The following EBF1 variants were observed in gnomAD, a reference collection of about 807,000 sequenced individuals.
The protein encoded by EBF1 is EBF transcription factor 1, also known as transcription factor COE1.
In EBF1, 10 loss-of-function variants were observed where a neutral mutation model predicts 68.4. That is an observed-to-expected ratio of 0.15 (90% CI 0.09 to 0.25). The LOEUF (loss-of-function observed/expected upper bound fraction) is 0.25, where lower values mean the gene tolerates loss of function less well. Among genes scored for constraint, EBF1 ranks in the 10% least tolerant of loss-of-function variants. The pLI, the probability that EBF1 is intolerant of heterozygous loss-of-function variation, is 1.00. For missense variants in EBF1, 509 were observed against 794.4 expected (o/e 0.64, Z 4.32); for synonymous variants, 298 against 299.8 (o/e 0.99, Z 0.06).
chr5:158,917,147 C>G (rs1435122761), intron 6 of EBF1, among the ~76,000 whole-genome samples: 2 of 152,142 alleles, frequency 1.3e-5, no homozygotes, highest in Non-Finnish European at 2.9e-5. Context: ...AAGAAACAAA[C>G]AAGAAACCAA....
At chr5:158,933,614 G>T (rs1315305822) in intron 6 of EBF1, among the ~76,000 whole-genome samples, 1 of 152,200 alleles carries the variant, frequency 6.6e-6, no homozygotes. Context: ...AGAACAGAGA[G>T]ACCAGGACTT....
intron 1 of EBF1, among the ~76,000 whole-genome samples, chr5:159,097,893 C>A (rs911472461): frequency 2.0e-5 from 3 of 152,238 alleles, no homozygotes; most frequent in Admixed American, 2.0e-4. Flanking sequence ...GCCAGGCGGC[C>A]ACTGACAGCC....
At chr5:159,027,886 A>T (rs930632582) in intron 6 of EBF1, among the ~76,000 whole-genome samples, 1 of 152,174 alleles carries the variant, frequency 6.6e-6, no homozygotes, top group Non-Finnish European at 1.5e-5. Context: ...CAAGTTTGTC[A>T]CACCCAGGGT....
intron 8 of EBF1, among the ~76,000 whole-genome samples, chr5:158,821,373 C>T (rs1321798165): frequency 6.6e-6 from 1 of 152,132 alleles, no homozygotes; most frequent in Admixed American, 6.5e-5. Context: ...AGGCTATATT[C>T]TATGTTTGCT....
chr5:158,708,364 A>G (rs1011436985), intron 14 of EBF1, among the ~76,000 whole-genome samples, 191 bp from the exon 15 acceptor site: 14 of 152,128 alleles, frequency 9.2e-5, no homozygotes, highest in Admixed American at 8.5e-4. Context: ...GCTACCTTTC[A>G]TTACTGGAGA....
chr5:158,997,302 C>T (rs1403840061), intron 6 of EBF1, among the ~76,000 whole-genome samples: 2 of 152,160 alleles, frequency 1.3e-5, no homozygotes, highest in Non-Finnish European at 2.9e-5. Flanking sequence ...AGAGCAGAGG[C>T]CAGGCGGAGG....
chr5:158,906,463 C>A (rs900296150), intron 6 of EBF1, among the ~76,000 whole-genome samples: 2 of 152,126 alleles, frequency 1.3e-5, no homozygotes, highest in African/African-American at 2.4e-5. Context: ...CAAAAAGGTG[C>A]TGTCACTTAC....
intron 11 of EBF1, among the ~76,000 whole-genome samples, chr5:158,728,798 T>G (rs1017811545): frequency 6.6e-6 from 1 of 152,096 alleles, no homozygotes; most frequent in African/African-American, 2.4e-5. Context: ...TTCCTGGCCT[T>G]AAGCAATTCT....
In EBF1 at chr5:158,708,048, C is replaced by G; in HGVS notation, c.1675G>C (p.Ala559Pro). 6.4e-7 allele frequency: 1 copy of G among 1,556,502 alleles called. No individual in the cohort carries two copies. The highest frequency in any genetic ancestry group is 8.7e-7 in the Non-Finnish European group (1 of 1,149,870). ...GAGGTCTGGGGTCTGACGACTGGTG[C>G]GAAAGCACTCTTCTGTTTCACGGCT... The part of the protein sequence containing the change: ...VSAVKQKSAF[A>P]PVVRPQTSPP... Residue 559 changes from alanine to proline, a missense_variant, in exon 15 of 16, where the codon GCA becomes CCA. Physicochemically the swap from Ala to Pro is conservative, Grantham distance 27. This residue lies in a region of EBF1 where 205 missense variants were observed against 247.4 expected (regional missense o/e 0.83). Transcript: ENST00000313708.
chr5:158,870,322 T>C (rs1044591546), intron 6 of EBF1, among the ~76,000 whole-genome samples: 2 of 152,160 alleles, frequency 1.3e-5, no homozygotes, highest in African/African-American at 4.8e-5. Context: ...AGCAATAAAA[T>C]TTCATTTAGC....
At chr5:158,748,596 A>G (rs1276539190) in intron 10 of EBF1, among the ~76,000 whole-genome samples, 1 of 152,162 alleles carries the variant, frequency 6.6e-6, no homozygotes, top group Non-Finnish European at 1.5e-5. Flanking sequence ...GGCTGTGCTT[A>G]GAGGAATGTG....
At chr5:159,088,795 G>A (rs1398273625) in intron 4 of EBF1, among the ~76,000 whole-genome samples, 1 of 152,086 alleles carries the variant, frequency 6.6e-6, no homozygotes, top group Non-Finnish European at 1.5e-5. Context: ...TATATAGATG[G>A]GTGGGAGGGG....
At chr5:158,968,896 C>T (rs1561658642) in intron 6 of EBF1, among the ~76,000 whole-genome samples, 1 of 152,146 alleles carries the variant, frequency 6.6e-6, no homozygotes, top group African/African-American at 2.4e-5. Flanking sequence ...GTCCCTAGCA[C>T]CCCTCCCAGC....
intron 8 of EBF1, among the ~76,000 whole-genome samples, chr5:158,803,981 T>A (rs913846021): frequency 9.5e-5 from 13 of 136,490 alleles, no homozygotes; most frequent in Non-Finnish European, 1.6e-4. Flanking sequence ...TGTGTGTGTG[T>A]GATGTTTGTC....
intron 10 of EBF1, among the ~76,000 whole-genome samples, chr5:158,762,648 G>A (rs1474745388): frequency 6.6e-6 from 1 of 152,116 alleles, no homozygotes; most frequent in African/African-American, 2.4e-5. Flanking sequence ...CCATTCTCCT[G>A]CCTCAGCCTC....
rs1292312069 is a variant in EBF1 at position 158,997,620 on chromosome 5, G to A, written c.554+75776C>T. Among the ~76,000 whole-genome samples, 11 of 152,160 alleles carry A rather than the reference G, an allele frequency of 7.2e-5. No individual in the cohort carries two copies. In the South Asian group the frequency reaches 8.3e-4, roughly 11 times the overall value. Reference sequence around the variant, plus strand: ...TCTGGGTCTTGTTGAATCCATTCCTGATTTTCACTGGTGCTTGTCCTTACG... The same window carrying A: ...TCTGGGTCTTGTTGAATCCATTCCTAATTTTCACTGGTGCTTGTCCTTACG... On this transcript the variant is annotated intron_variant, in intron 6 of 15. Transcript: ENST00000313708.
chr5:158,931,438 G>T (rs1442273151), intron 6 of EBF1, among the ~76,000 whole-genome samples: 1 of 152,162 alleles, frequency 6.6e-6, no homozygotes, highest in Non-Finnish European at 1.5e-5. Flanking sequence ...TAGAGCAAGG[G>T]GTTGAATTAG....
chr5:158,966,398 TTATAAAAA>T (rs1754116460), intron 6 of EBF1, among the ~76,000 whole-genome samples: 2 of 152,050 alleles, frequency 1.3e-5, no homozygotes, highest in African/African-American at 2.4e-5. Context: ...TCACATAGGG[TTATAAAAA>T]GCTATTTATT....
chr5:158,835,656 T>C (rs1300328586), intron 7 of EBF1, among the ~76,000 whole-genome samples: 1 of 152,204 alleles, frequency 6.6e-6, no homozygotes, highest in Admixed American at 6.5e-5. Flanking sequence ...ACTAAATATC[T>C]GCTCACAGAC....
Sources: allele counts gnomAD v4.1 joint callset (sites outside exome capture counted in the v4.1 genomes callset), GRCh38; gene constraint gnomAD v4.1.1; regional missense constraint gnomAD v4.1.1; transcripts MANE v1.5; gene names NCBI Gene and HGNC (gene_info 2026-07-23, HGNC 2026-07-21).